Variants in SLC16A9 observed in about 807,000 individuals in gnomAD.
SLC16A9 encodes the protein monocarboxylate transporter 9.
In SLC16A9, 26 loss-of-function variants were observed where a neutral mutation model predicts 44.3. That is an observed-to-expected ratio of 0.59 (90% confidence interval 0.43 to 0.81). The LOEUF is 0.81. SLC16A9 is among the 40% of genes least tolerant of loss of function. SLC16A9 has a pLI of 0.00. For missense variants in SLC16A9, 559 were observed against 595.8 expected, an observed-to-expected ratio of 0.94 and a Z score of 0.64; for synonymous variants, 230 against 225.1, an observed-to-expected ratio of 1.02 and a Z score of -0.19.
intron 1 of SLC16A9, among the ~76,000 whole-genome samples, chr10:59,705,221 G>A (rs897316458): frequency 2.0e-5 from 3 of 151,674 alleles, no homozygotes; most frequent in East Asian, 3.9e-4. Context: ...CACTGAAAGT[G>A]TAAGATAAAA....
At chr10:59,684,059 T>TTAAAGAG in intron 2 of SLC16A9, 37 bp downstream of exon 2, 1 of 1,542,680 alleles carries the variant, frequency 6.5e-7, no homozygotes, top group Non-Finnish European at 8.9e-7. Flanking sequence ...AATTAAATGA[T>TTAAAGAG]TAAAGAGTAA....
intron 1 of SLC16A9, among the ~76,000 whole-genome samples, chr10:59,706,910 G>A (rs1017102851): frequency 6.7e-6 from 1 of 149,756 alleles, no homozygotes; most frequent in Admixed American, 6.7e-5. Flanking sequence ...GGAGGCAGAG[G>A]TTGCAGTAAG....
intron 2 of SLC16A9, among the ~76,000 whole-genome samples, chr10:59,680,713 G>T (rs532091248): frequency 6.6e-6 from 1 of 152,240 alleles, no homozygotes; most frequent in South Asian, 2.1e-4. Flanking sequence ...AGGCACAGTA[G>T]CTTATGCCTG....
At chr10:59,677,291 A>G (rs180926317) in intron 2 of SLC16A9, among the ~76,000 whole-genome samples, 51 of 152,068 alleles carry the variant, frequency 3.4e-4, no homozygotes, top group Admixed American at 2.7e-3. Context: ...GGGTCTCATT[A>G]TGTTGCCCAG....
At chr10:59,694,632 C>G in intron 1 of SLC16A9, among the ~76,000 whole-genome samples, 1 of 151,002 alleles carries the variant, frequency 6.6e-6, no homozygotes, top group Non-Finnish European at 1.5e-5. Flanking sequence ...GAAACCCCAT[C>G]TCTACTAAAA....
Position 59,684,240 on chromosome 10 carries a change from C to G in SLC16A9, c.52G>C (p.Val18Leu). The G allele has an allele frequency of 6.2e-7, 1 of 1,614,016 alleles. No individual in the cohort carries two copies. Among genetic ancestry groups the G allele is most frequent in the Non-Finnish European group, 8.5e-7 (1 of 1,179,980 alleles). The change falls in exon 2 of 6, where the codon GTC (valine) becomes CTC (leucine). Residue 18 changes from valine to leucine, a missense_variant. Transcript: ENST00000395348. ...CACAAAAACTGAGTAAGGAAGGAGA[C>G]AAACACAATCACCCAGCCCCATCCA... ...DGGWGWVIVF[V>L]SFLTQFLCYG...
At chr10:59,675,689 C>A (rs116485393) in intron 2 of SLC16A9, among the ~76,000 whole-genome samples, 1,898 of 152,248 alleles carry the variant, frequency 0.012, 40 homozygotes, top group African/African-American at 0.043. Context: ...ACTGCCCCTA[C>A]GGAGCATGAG....
intron 3 of SLC16A9, among the ~76,000 whole-genome samples, chr10:59,667,345 G>T (rs147852931): frequency 1.6e-4 from 25 of 152,250 alleles, no homozygotes; most frequent in African/African-American, 5.5e-4. Flanking sequence ...GAAGCATATT[G>T]TAACATATTG....
chr10:59,704,366 A>G (rs1322654998), intron 1 of SLC16A9, among the ~76,000 whole-genome samples: 2 of 151,992 alleles, frequency 1.3e-5, no homozygotes, highest in Non-Finnish European at 2.9e-5. Flanking sequence ...TGTGATTGCC[A>G]CCACTTATCT....
At chr10:59,696,865 CAGCAGCCACCCCGTGT>C (rs1840395270) in intron 1 of SLC16A9, among the ~76,000 whole-genome samples, 1 of 151,538 alleles carries the variant, frequency 6.6e-6, no homozygotes, top group Non-Finnish European at 1.5e-5. Flanking sequence ...CCCCTCCGCC[CAGCAGCCACCCCGTGT>C]GGGAAGTGAG....
chr10:59,681,405 A>ATATATG (rs60205519), intron 2 of SLC16A9, among the ~76,000 whole-genome samples: 10 of 17,838 alleles, frequency 5.6e-4, no homozygotes, highest in Non-Finnish European at 1.5e-3. Context: ...TAAAGTATAT[A>ATATATG]TATATGTATA....
chr10:59,707,471 TTAGA>T (rs959406642), intron 1 of SLC16A9, among the ~76,000 whole-genome samples: 8 of 151,546 alleles, frequency 5.3e-5, no homozygotes, highest in South Asian at 2.1e-4. Context: ...AAAATTTCAG[TTAGA>T]TAGGAGCAAT....
In SLC16A9 at chr10:59,699,284, G is replaced by C. The variant is rs569024476; in HGVS notation, c.-37+10195C>G. On this transcript the variant is annotated intron_variant, in intron 1 of 5. Transcript: ENST00000395348. ...TCAGTGTGGGAAAGGTAGCAGGAGA[G>C]AGGCTGTGATCATTTGGTAAAGGTA... Among the ~76,000 whole-genome samples, 6 of 152,322 alleles carry C rather than the reference G, an allele frequency of 3.9e-5. No individual in the cohort carries two copies. In the South Asian group the frequency reaches 1.2e-3, roughly 32 times the overall value.
At chr10:59,678,189 CAG>C (rs1353547531) in intron 2 of SLC16A9, among the ~76,000 whole-genome samples, 1 of 151,948 alleles carries the variant, frequency 6.6e-6, no homozygotes, top group African/African-American at 2.4e-5. Flanking sequence ...CAGTGAGAAA[CAG>C]AATATAGTAG....
Position 59,654,278 on chromosome 10 carries a change from C to T in SLC16A9, c.748G>A (p.Asp250Asn). ...ITLANGDWKQ[D>N]SLLHKNPTVT... ...GTGGGGTTTTTATGAAGTAGGCTGT[C>T]TTGTTTCCAGTCACCATTGGCTAAC... The change falls in exon 5 of 6, where the codon GAC (aspartate) becomes AAC (asparagine). Residue 250 changes from aspartate (D) to asparagine (N), a missense_variant. By Grantham distance (23) the Asp-to-Asn change is conservative. Transcript: ENST00000395348. 1 of 1,614,138 alleles carries T rather than the reference C, an allele frequency of 6.2e-7. No homozygotes were observed. Among genetic ancestry groups the T allele is most frequent in the Admixed American group, 1.7e-5 (1 of 60,018 alleles).
At chr10:59,656,343 A>G (rs1839348206) in intron 4 of SLC16A9, among the ~76,000 whole-genome samples, 1 of 152,228 alleles carries the variant, frequency 6.6e-6, no homozygotes, top group Non-Finnish European at 1.5e-5. Flanking sequence ...GTGTCACATC[A>G]TTAGATACTT....
chr10:59,709,013 C>A (rs1411463002), intron 1 of SLC16A9, among the ~76,000 whole-genome samples: 1 of 152,226 alleles, frequency 6.6e-6, no homozygotes, highest in Middle Eastern at 3.2e-3. Flanking sequence ...CCATTCCCAA[C>A]CCTCCGGGGG....
In SLC16A9 at chr10:59,663,972, A is replaced by G. The variant is rs1839545031; in HGVS notation, c.436+255T>C. ...CTAAATATCAGTTTACAATTTTAGA[A>G]GAGCTATATATTTTAGAAAACATCC... On this transcript the variant is annotated intron_variant, in intron 4 of 5. Coordinates refer to ENST00000395348, the MANE Select transcript of SLC16A9 (RefSeq NM_194298.3). Among the ~76,000 whole-genome samples, 5 of 151,518 alleles carry G rather than the reference A, an allele frequency of 3.3e-5. No individual in the cohort carries two copies. The South Asian group carries it at 1.0e-3, about 32-fold the overall frequency.
At chr10:59,697,254 A>G (rs1051694351) in intron 1 of SLC16A9, among the ~76,000 whole-genome samples, 10 of 151,800 alleles carry the variant, frequency 6.6e-5, no homozygotes, top group South Asian at 2.1e-4. Flanking sequence ...CATTGAGAAC[A>G]GGCCATGATG....
Sources: gnomAD v4.1 joint callset for allele counts (sites outside exome capture counted in the v4.1 genomes callset) on GRCh38, gnomAD v4.1.1 for gene constraint, MANE v1.5 for transcripts, NCBI Gene and HGNC (gene_info 2026-07-23, HGNC 2026-07-21) for gene names.